CPEB3: variants seen among roughly 807,000 people sequenced by gnomAD.
The protein encoded by CPEB3 is cytoplasmic polyadenylation element binding protein 3.
A neutral mutation model predicts 67.2 loss-of-function variants in CPEB3; 20 were observed. That is an observed-to-expected ratio of 0.30 (90% confidence interval 0.21 to 0.43). The LOEUF (loss-of-function observed/expected upper bound fraction) is 0.43, where lower values mean the gene tolerates loss of function less well. CPEB3 is among the 20% of genes least tolerant of loss of function. CPEB3 has a pLI of 1.00. For synonymous variants in CPEB3, 376 were observed against 393.1 expected (o/e 0.96, Z 0.51); for missense variants, 746 against 968.6 (o/e 0.77, Z 3.05).
Position 92,239,587 on chromosome 10 carries a change from G to A in CPEB3, c.764C>T (p.Pro255Leu). 3.2e-6 allele frequency: 5 copies of A among 1,554,772 alleles called. No homozygotes were observed. The highest frequency in any genetic ancestry group is 4.4e-6 in the Non-Finnish European group (5 of 1,148,908). ...HQSVNAAWSA[P>L]SNPWGGLQAG... is the part of the protein sequence containing the mutation. Reference sequence around the variant, plus strand: ...CTGCAGGCCGCCCCAGGGGTTGGACGGTGCGCTCCAGGCTGCATTCACGCT... The same window carrying A: ...CTGCAGGCCGCCCCAGGGGTTGGACAGTGCGCTCCAGGCTGCATTCACGCT... Residue 255 changes from proline (P) to leucine (L), a missense_variant, in exon 2 of 10, where the codon CCG (proline) becomes CTG (leucine). By Grantham distance (98) the Pro-to-Leu change is moderately conservative. Transcript: ENST00000265997. This position sits in a 1 kb window ranked among gnomAD's most constrained non-coding sequence, Gnocchi z 6.0.
intron 2 of CPEB3, among the ~76,000 whole-genome samples, chr10:92,198,263 C>G (rs1170236921): frequency 1.3e-5 from 2 of 152,186 alleles, no homozygotes; most frequent in African/African-American, 4.8e-5. Flanking sequence ...TGACTTCCTC[C>G]TATTCTCTCT....
At chr10:92,174,553 A>AT (rs1294389822) in intron 4 of CPEB3, among the ~76,000 whole-genome samples, 2 of 152,214 alleles carry the variant, frequency 1.3e-5, no homozygotes, top group African/African-American at 2.4e-5. Flanking sequence ...AGATATCAAA[A>AT]TGTTTATATA....
chr10:92,054,554 C>G (rs1475831597), intron 9 of CPEB3, among the ~76,000 whole-genome samples: 1 of 152,094 alleles, frequency 6.6e-6, no homozygotes. Flanking sequence ...ATTCCCCTGC[C>G]TCCGCCTCCC....
chr10:92,192,897 C>CA (rs1564853125), intron 2 of CPEB3, among the ~76,000 whole-genome samples: 3 of 152,134 alleles, frequency 2.0e-5, no homozygotes, highest in African/African-American at 7.2e-5. Flanking sequence ...GGATTACAGA[C>CA]GTGAGCTACC....
intron 2 of CPEB3, among the ~76,000 whole-genome samples, chr10:92,222,453 A>G (rs1850748322): frequency 1.3e-5 from 2 of 152,220 alleles, no homozygotes; most frequent in Admixed American, 6.5e-5. Flanking sequence ...CTAGATTTGA[A>G]TTTAGAAAAA....
intron 2 of CPEB3, among the ~76,000 whole-genome samples, chr10:92,201,490 C>T (rs750470237): frequency 1.6e-4 from 24 of 152,012 alleles, no homozygotes; most frequent in African/African-American, 3.6e-4. Context: ...GTGGTGCCAC[C>T]GCACTCCAGT....
At chr10:92,243,816 G>C (rs1469920227) in intron 1 of CPEB3, among the ~76,000 whole-genome samples, 4 of 152,212 alleles carry the variant, frequency 2.6e-5, no homozygotes, top group Non-Finnish European at 4.4e-5. Flanking sequence ...TTAGAGGTCA[G>C]GTAAAAATAG....
At chr10:92,086,135 A>G (rs938576559) in intron 8 of CPEB3, among the ~76,000 whole-genome samples, 3 of 152,222 alleles carry the variant, frequency 2.0e-5, no homozygotes, top group African/African-American at 7.2e-5. Flanking sequence ...TCGTCTCTAC[A>G]GATTCTAAAC....
intron 4 of CPEB3, among the ~76,000 whole-genome samples, chr10:92,173,666 A>G (rs1360035749): frequency 5.3e-5 from 8 of 152,196 alleles, no homozygotes; most frequent in Non-Finnish European, 1.0e-4. Flanking sequence ...TCCTAGCTCC[A>G]TATCACCCTG....
Position 92,238,280 on chromosome 10 carries a change from C to T in CPEB3, c.1005+1066G>A, listed in dbSNP as rs544503093. Among the ~76,000 whole-genome samples the T allele has an allele frequency of 4.3e-4, 65 of 152,288 alleles. No homozygotes were observed. In the East Asian group the frequency reaches 0.012, roughly 28 times the overall value. ...CAAAAGCCGCCTGTGAACACACACC[C>T]GCACTACGCCTTTCCAACCCAAGAT... is the stretch of plus-strand genomic sequence containing the variant. On this transcript the variant is annotated intron_variant, in intron 2 of 9. Coordinates refer to ENST00000265997, the MANE Select transcript of CPEB3 (RefSeq NM_014912.5).
At chr10:92,245,282 C>T (rs1016206945) in intron 1 of CPEB3, among the ~76,000 whole-genome samples, 3 of 151,710 alleles carry the variant, frequency 2.0e-5, no homozygotes, top group Non-Finnish European at 2.9e-5. Context: ...GGATTACAGG[C>T]GCATGCCACC....
intron 1 of CPEB3, among the ~76,000 whole-genome samples, chr10:92,259,761 C>G (rs1408640440): frequency 1.3e-5 from 2 of 152,112 alleles, no homozygotes; most frequent in South Asian, 2.1e-4. Context: ...TTTCTCAGAG[C>G]CAGTATAATA....
intron 9 of CPEB3, among the ~76,000 whole-genome samples, chr10:92,052,699 A>G (rs1256371473): frequency 6.6e-6 from 1 of 152,208 alleles, no homozygotes; most frequent in Admixed American, 6.5e-5. Context: ...GGGTATGTTT[A>G]CACACACATA....
chr10:92,205,252 T>C (rs898503857), intron 2 of CPEB3, among the ~76,000 whole-genome samples: 3 of 152,188 alleles, frequency 2.0e-5, no homozygotes, highest in African/African-American at 7.2e-5. Flanking sequence ...AATCTGCCTC[T>C]GGGGAGAGGA....
At chr10:92,136,125 C>T (rs542327476) in intron 6 of CPEB3, among the ~76,000 whole-genome samples, 2 of 151,816 alleles carry the variant, frequency 1.3e-5, no homozygotes, top group East Asian at 1.9e-4. Context: ...CAAACCTTCA[C>T]ATTATGCACA....
chr10:92,252,058 T>G (rs1227412834), intron 1 of CPEB3, among the ~76,000 whole-genome samples: 1 of 151,862 alleles, frequency 6.6e-6, no homozygotes, highest in Admixed American at 6.6e-5. Flanking sequence ...ATATTTTTTT[T>G]CAACAAAAGA....
intron 2 of CPEB3, among the ~76,000 whole-genome samples, chr10:92,194,364 G>A (rs890489841): frequency 1.3e-5 from 2 of 151,770 alleles, no homozygotes; most frequent in African/African-American, 2.4e-5. Context: ...GCTTGGACCC[G>A]GGAGGCAGAG....
At chr10:92,071,984 T>G (rs1842771569) in intron 9 of CPEB3, among the ~76,000 whole-genome samples, 1 of 152,200 alleles carries the variant, frequency 6.6e-6, no homozygotes, top group Non-Finnish European at 1.5e-5. Context: ...GTGCCATCTT[T>G]GGCTCTTATT....
chr10:92,243,205 A>T (rs1167176759), intron 1 of CPEB3: 1 of 152,194 alleles, frequency 6.6e-6, no homozygotes, highest in Admixed American at 6.6e-5. Context: ...GATAAAATTT[A>T]AAAGTATACA....
Sources: allele counts gnomAD v4.1 joint callset (sites outside exome capture counted in the v4.1 genomes callset), GRCh38; gene constraint gnomAD v4.1.1; non-coding constraint Gnocchi (gnomAD v3.1); transcripts MANE v1.5; gene names NCBI Gene and HGNC (gene_info 2026-07-23, HGNC 2026-07-21).